KDM4B: variants seen among roughly 807,000 people sequenced by gnomAD.
KDM4B encodes lysine demethylase 4B.
Under a neutral mutation model 125.2 loss-of-function variants are expected in KDM4B, and 32 were observed. The observed-to-expected ratio is 0.26, with a 90% CI of 0.19 to 0.34. The LOEUF is 0.34. Ranked by LOEUF, KDM4B falls within the 10% of genes least tolerant of loss-of-function variation. The pLI is 1.00. For missense variants in KDM4B, 1,190 were observed against 1,577.7 expected (o/e 0.75, Z 4.16); for synonymous variants, 721 against 677.9 (o/e 1.06, Z -0.99).
Position 5,033,472 on chromosome 19 carries a change from T to C in KDM4B, c.141+441T>C, listed in dbSNP as rs2036522742. On this transcript the variant is annotated intron_variant, in intron 3 of 22. Transcript: ENST00000159111. Reference sequence around the variant, plus strand: ...GTGCATGCCTGTGGTCCCAGCTATTTGGGAGGGTGAGGCAGGAGGATTGCT... The same window carrying C: ...GTGCATGCCTGTGGTCCCAGCTATTCGGGAGGGTGAGGCAGGAGGATTGCT... 3.3e-5 allele frequency among the ~76,000 whole-genome samples: 5 copies of C among 152,164 alleles called. No individual in the cohort carries two copies. In the South Asian group the frequency reaches 1.0e-3, roughly 32 times the overall value.
intron 6 of KDM4B, among the ~76,000 whole-genome samples, chr19:5,050,821 A>G (rs977731328): frequency 4.6e-5 from 7 of 152,160 alleles, no homozygotes; most frequent in African/African-American, 1.7e-4. Flanking sequence ...AATGGTGTGA[A>G]CCCAGGAGGC....
In KDM4B at chr19:5,144,194, C is replaced by G. The variant is rs762455520; in HGVS notation, c.2736+42C>G. On this transcript the variant is annotated intron_variant, in intron 19 of 22. Coordinates refer to ENST00000159111, the MANE Select transcript of KDM4B (RefSeq NM_015015.3). The stretch of plus-strand genomic sequence containing the variant: ...CTCCTTGCCCCCAGCCCCTGGCTCC[C>G]GCCCCCACCGACACCCGCGCTGACC... 6.3e-6 allele frequency: 10 copies of G among 1,585,276 alleles called. No individual in the cohort carries two copies. The South Asian group carries it at 1.1e-4, about 18-fold the overall frequency.
At chr19:5,072,988 T>C (rs2037995318) in intron 7 of KDM4B, among the ~76,000 whole-genome samples, 1 of 152,136 alleles carries the variant, frequency 6.6e-6, no homozygotes, top group Admixed American at 6.5e-5. Flanking sequence ...CTGTCTCTGG[T>C]CTCCTCACTT....
intron 15 of KDM4B, among the ~76,000 whole-genome samples, chr19:5,136,386 A>T (rs1417961977): frequency 6.6e-6 from 1 of 152,132 alleles, no homozygotes; most frequent in African/African-American, 2.4e-5. Flanking sequence ...TCAGGGAAGG[A>T]GGAGGGCTCT....
At chr19:5,046,275 T>C (rs1437102977) in intron 5 of KDM4B, among the ~76,000 whole-genome samples, 1 of 152,238 alleles carries the variant, frequency 6.6e-6, no homozygotes, top group Non-Finnish European at 1.5e-5. Context: ...AGCCTACTTT[T>C]ACAGCGGGGG....
At chr19:5,067,295 A>G (rs974544942) in intron 6 of KDM4B, among the ~76,000 whole-genome samples, 1 of 151,900 alleles carries the variant, frequency 6.6e-6, no homozygotes, top group Non-Finnish European at 1.5e-5. Flanking sequence ...CCTTGCACAG[A>G]CCCACGAGAT....
intron 6 of KDM4B, among the ~76,000 whole-genome samples, chr19:5,057,026 A>ATGTGTGTGTGTGTGTG (rs1404957430): frequency 1.6e-5 from 2 of 124,896 alleles, no homozygotes; most frequent in African/African-American, 7.2e-5. Flanking sequence ...CCAGATATAT[A>ATGTGTGTGTGTGTGTG]TGCGTGTGTG....
rs377255934 is a variant in KDM4B, at chr19:5,132,257, C to T, written c.1906+250C>T. Among the ~76,000 whole-genome samples the T allele has an allele frequency of 9.2e-5, 14 of 152,222 alleles. No homozygotes were observed. In the South Asian group the frequency reaches 1.5e-3, roughly 16 times the overall value. Reference sequence around the variant, plus strand: ...GCTGGGCTGCCCATGATGGGCGGTTCAGGGCTGGGGAGCTTGTACCTCCCC... The same window carrying T: ...GCTGGGCTGCCCATGATGGGCGGTTTAGGGCTGGGGAGCTTGTACCTCCCC... On this transcript the variant is annotated intron_variant, in intron 13 of 22. Coordinates refer to ENST00000159111, the MANE Select transcript of KDM4B (RefSeq NM_015015.3).
intron 15 of KDM4B, among the ~76,000 whole-genome samples, chr19:5,136,657 C>T (rs1056413379): frequency 2.0e-5 from 3 of 152,160 alleles, no homozygotes; most frequent in African/African-American, 7.2e-5. Context: ...CCGTGCCCAC[C>T]ACCCTGCTGC....
chr19:5,134,891 T>A (rs1339496252), intron 14 of KDM4B, among the ~76,000 whole-genome samples: 2 of 152,214 alleles, frequency 1.3e-5, no homozygotes, highest in East Asian at 1.9e-4. Context: ...CGACACCGTC[T>A]CCAGGCACTT....
At chr19:4,987,412 T>C (rs1395779214) in intron 1 of KDM4B, among the ~76,000 whole-genome samples, 1 of 151,942 alleles carries the variant, frequency 6.6e-6, no homozygotes, top group Admixed American at 6.6e-5. Context: ...TGTGGAGAAG[T>C]TTATGGCAGG....
In KDM4B at chr19:5,137,317, C is replaced by T. The variant is rs770481166; in HGVS notation, c.2364C>T (p.Cys788=). 2.1e-5 allele frequency: 33 copies of T among 1,574,522 alleles called. No individual in the cohort carries two copies. The highest frequency in any genetic ancestry group is 5.6e-5 in the Admixed American group (3 of 53,996). ...LVNEGWTCSR[C]AAHAWTAECC... is the part of the protein sequence containing the mutation. ...ATGAAGGCTGGACGTGTTCCCGGTG[C>T]GCGGCCCACGCCTGGACTGCGGTAA... The change falls in exon 16 of 23, where the codon TGC becomes TGT. Residue 788 remains cysteine (C), a synonymous_variant. Transcript: ENST00000159111.
chr19:5,135,479 G>T lies in KDM4B; in HGVS notation c.2226G>T (p.Pro742=), dbSNP rs776579000. 13 of 1,613,024 alleles carry T rather than the reference G, an allele frequency of 8.1e-6. No individual in the cohort carries two copies. The East Asian group carries it at 2.7e-4, about 33-fold the overall frequency. ...CCTCTGGCGGTGAGAACACGGAGCC[G>T]CTGCCTGCCAACTCCTACATCGGCG... is the stretch of plus-strand genomic sequence containing the variant. ...CFTSGGENTE[P]LPANSYIGDD... The change falls in exon 15 of 23, where the codon CCG becomes CCT. Residue 742 remains proline (P), a synonymous_variant. Coordinates refer to ENST00000159111, the MANE Select transcript of KDM4B (RefSeq NM_015015.3).
chr19:4,987,784 C>T lies in KDM4B; in HGVS notation c.-109+18554C>T, dbSNP rs532175632. ...TCAGGAGTGAAAGCAGGGGACCTGT[C>T]GGGAAACTCCAGGCGTCGCCCAGGT... On this transcript the variant is annotated intron_variant, in intron 1 of 22. Transcript: ENST00000159111. 5.9e-5 allele frequency among the ~76,000 whole-genome samples: 9 copies of T among 152,178 alleles called. No homozygotes were observed. The East Asian group carries it at 1.7e-3, about 29-fold the overall frequency.
At chr19:5,084,969 G>C (rs918189539) in intron 9 of KDM4B, among the ~76,000 whole-genome samples, 2 of 148,510 alleles carry the variant, frequency 1.3e-5, no homozygotes, top group African/African-American at 2.5e-5. Flanking sequence ...GCCTCGAAAA[G>C]TGCTGGGATT....
chr19:5,089,008 A>G (rs1470793147), intron 9 of KDM4B, among the ~76,000 whole-genome samples: 1 of 152,054 alleles, frequency 6.6e-6, no homozygotes, highest in Non-Finnish European at 1.5e-5. Context: ...GGGACAAGCC[A>G]GTGCTCAGAG....
At chr19:5,086,248 G>A (rs1391820821) in intron 9 of KDM4B, among the ~76,000 whole-genome samples, 1 of 151,126 alleles carries the variant, frequency 6.6e-6, no homozygotes, top group Non-Finnish European at 1.5e-5. Context: ...GAGCTGACAG[G>A]TGAAAAGCCA....
chr19:5,106,478 G>C (rs562379825), intron 9 of KDM4B, among the ~76,000 whole-genome samples: 21 of 152,286 alleles, frequency 1.4e-4, no homozygotes, highest in African/African-American at 3.6e-4. Flanking sequence ...TCTGCTCCAT[G>C]CTCACTGGGG....
chr19:5,048,631 C>T (rs558486738), intron 6 of KDM4B, among the ~76,000 whole-genome samples: 1 of 151,826 alleles, frequency 6.6e-6, no homozygotes, highest in South Asian at 2.1e-4. Context: ...TGCTGTACCT[C>T]TTCGTTAAAA....
Sources: allele counts gnomAD v4.1 joint callset (sites outside exome capture counted in the v4.1 genomes callset), GRCh38; gene constraint gnomAD v4.1.1; transcripts MANE v1.5; gene names NCBI Gene and HGNC (gene_info 2026-07-23, HGNC 2026-07-21).